The following FAM118B variants were observed in gnomAD, a reference collection of about 807,000 sequenced individuals.
FAM118B encodes the protein protein FAM118B.
In FAM118B, 24 loss-of-function variants were observed where a neutral mutation model predicts 38.5. That is an observed-to-expected ratio of 0.62 (90% CI 0.45 to 0.88). FAM118B has a LOEUF of 0.88. FAM118B is among the 40% of genes least tolerant of loss of function. FAM118B has a pLI of 0.00. For synonymous variants in FAM118B, 138 were observed against 156.3 expected (o/e 0.88, Z 0.87); for missense variants, 334 against 420.0 (o/e 0.80, Z 1.79).
chr11:126,219,932 AT>A (rs1168309020), intron 1 of FAM118B, among the ~76,000 whole-genome samples: 15 of 151,676 alleles, frequency 9.9e-5, no homozygotes, highest in South Asian at 2.1e-4. Flanking sequence ...TGAAGGAAGA[AT>A]TTTTTTTAAA....
At position 126,244,558 on chromosome 11, in the gene FAM118B, CT is replaced by C. The variant is rs376590607; in HGVS notation, c.339+3517del. On this transcript the variant is annotated intron_variant, in intron 4 of 8. Transcript: ENST00000533050. This position sits in a 1 kb window ranked among gnomAD's most constrained non-coding sequence, Gnocchi z 4.5. ...GTGGCCCATGCCTGTTGTCTCAGCG[CT>C]TTGGGAGGCCGAGGTGGGCGGATCA... Among the ~76,000 whole-genome samples the C allele has an allele frequency of 5.9e-4, 90 of 152,328 alleles. No homozygotes were observed. Among genetic ancestry groups the C allele is most frequent in the African/African-American group, 2.1e-3 (88 of 41,564 alleles).
At position 126,234,985 on chromosome 11, in the gene FAM118B, T is replaced by A; in HGVS notation, c.-7-10T>A. On this transcript the variant is annotated splice_polypyrimidine_tract_variant and intron_variant, in intron 2 of 8. Transcript: ENST00000533050. Reference sequence around the variant, plus strand: ...TCTAATTGTGGTTCATGGTGTTTAATCTATTTTAGAAACTGGATGGCTTCT... The same window carrying A: ...TCTAATTGTGGTTCATGGTGTTTAAACTATTTTAGAAACTGGATGGCTTCT... 1 of 1,603,286 alleles carries A rather than the reference T, an allele frequency of 6.2e-7. No homozygotes were observed.
At chr11:126,238,403 G>C (rs925031816) in intron 3 of FAM118B, among the ~76,000 whole-genome samples, 1 of 152,228 alleles carries the variant, frequency 6.6e-6, no homozygotes, top group East Asian at 1.9e-4. Context: ...TAGAGTTAAG[G>C]AATTCCCACC....
At chr11:126,259,671 C>T (rs1333925759) in intron 7 of FAM118B, among the ~76,000 whole-genome samples, 3 of 151,398 alleles carry the variant, frequency 2.0e-5, no homozygotes, top group Admixed American at 6.6e-5. Flanking sequence ...ATGATCCACC[C>T]GCCCTGGCCT....
At chr11:126,235,123 C>T in intron 3 of FAM118B, 36 bp downstream of exon 3, 1 of 1,579,902 alleles carries the variant, frequency 6.3e-7, no homozygotes, top group East Asian at 2.2e-5. Flanking sequence ...AGTAAATTAC[C>T]ATTAGTGGGA....
intron 4 of FAM118B, among the ~76,000 whole-genome samples, chr11:126,241,769 C>T (rs1332139362): frequency 2.0e-5 from 3 of 152,056 alleles, no homozygotes; most frequent in Non-Finnish European, 2.9e-5. Context: ...AAGCTGGTCT[C>T]GAACTTCTGA....
At chr11:126,254,525 T>C in intron 6 of FAM118B, 92 bp downstream of exon 6, 1 of 1,526,612 alleles carries the variant, frequency 6.6e-7, no homozygotes, top group East Asian at 2.3e-5. Flanking sequence ...CATCTTCTTT[T>C]CATTAAGTGA....
At chr11:126,237,938 C>G (rs1950303439) in intron 3 of FAM118B, among the ~76,000 whole-genome samples, 1 of 150,926 alleles carries the variant, frequency 6.6e-6, no homozygotes, top group Non-Finnish European at 1.5e-5. Context: ...CCTTCCCATA[C>G]TATCTCTTAT....
At chr11:126,225,021 T>C (rs1016832389) in intron 1 of FAM118B, among the ~76,000 whole-genome samples, 6 of 152,206 alleles carry the variant, frequency 3.9e-5, no homozygotes, top group Non-Finnish European at 8.8e-5. Context: ...AAACAAGATC[T>C]CTTTTATGTG....
rs930309908 is a variant in FAM118B at position 126,250,180 on chromosome 11, C to T, written c.340-326C>T. Among the ~76,000 whole-genome samples the T allele has an allele frequency of 1.2e-4, 18 of 151,646 alleles. No individual in the cohort carries two copies. Among genetic ancestry groups the T allele is most frequent in the African/African-American group, 4.1e-4 (17 of 41,388 alleles). ...GATCTCGGCTCACTGCAAGCTCCGC[C>T]TCCTGGGTTCACACCATTCTCCTGC... On this transcript the variant is annotated intron_variant, in intron 4 of 8. Transcript: ENST00000533050. The surrounding 1 kb of genome is among the most constrained non-coding windows in gnomAD (Gnocchi z 5.1).
Position 126,262,230 on chromosome 11 carries a change from C to A in FAM118B, c.*97C>A. On this transcript the variant is annotated 3_prime_UTR_variant, in exon 9 of 9. Transcript: ENST00000533050. ...ACTTACAAGAACCCAACACAATTCC[C>A]AGAAAGTAACAATAGCCAGAGGTTG... The A allele has an allele frequency of 7.4e-7, 1 of 1,345,250 alleles. No homozygotes were observed. Among genetic ancestry groups the A allele is most frequent in the African/African-American group, 1.4e-5 (1 of 69,158 alleles). 83.3% of individuals were successfully genotyped at this position (1,345,250 alleles called of 1,614,324 possible).
rs1555055257 is a variant in FAM118B, at chr11:126,249,749, A to AAAAAAG, written c.340-746_340-741dup. ...TCCGTCTCAAAAAAAAAAAAAAAAA[A>AAAAAAG]AAAAAGAAAAAGAAAAGGAGATGCC... On this transcript the variant is annotated intron_variant, in intron 4 of 8. Transcript: ENST00000533050. 2.5e-3 allele frequency among the ~76,000 whole-genome samples: 356 copies of AAAAAAG among 141,188 alleles called. 1 individual carries two copies. Among genetic ancestry groups the AAAAAAG allele is most frequent in the Middle Eastern group, 7.2e-3 (2 of 276 alleles). 92.6% of individuals were successfully genotyped at this position (141,188 alleles called of 152,430 possible). A position where few individuals can be genotyped will look rare whatever the true frequency, so the allele number is the denominator to read the frequency against.
chr11:126,257,828 T>C (rs533936924), intron 7 of FAM118B, among the ~76,000 whole-genome samples: 1 of 152,304 alleles, frequency 6.6e-6, no homozygotes, highest in South Asian at 2.1e-4. Context: ...TATCATACAC[T>C]TGATATTTTA....
chr11:126,254,454 T>A (rs749536714), intron 6 of FAM118B, 21 bp downstream of exon 6: 1 of 1,613,194 alleles, frequency 6.2e-7, no homozygotes. Flanking sequence ...CTGATCTTGC[T>A]GGTCTCAGGA....
intron 1 of FAM118B, among the ~76,000 whole-genome samples, chr11:126,216,886 T>A (rs1949985684): frequency 6.6e-6 from 1 of 152,248 alleles, no homozygotes; most frequent in Non-Finnish European, 1.5e-5. Flanking sequence ...TAATTTGTAT[T>A]CATTCATTTA....
At chr11:126,241,899 C>T (rs182696863) in intron 4 of FAM118B, among the ~76,000 whole-genome samples, 18 of 151,742 alleles carry the variant, frequency 1.2e-4, no homozygotes, top group Non-Finnish European at 1.9e-4. Flanking sequence ...GTGGTGGGCA[C>T]CTGTAATCCC....
rs1025220678 is a variant in FAM118B at position 126,255,790 on chromosome 11, T to C, written c.697-777T>C. Among the ~76,000 whole-genome samples the C allele has an allele frequency of 1.3e-5, 2 of 151,256 alleles. No individual in the cohort carries two copies. The highest frequency in any genetic ancestry group is 4.9e-5 in the African/African-American group (2 of 41,110). The stretch of plus-strand genomic sequence containing the variant: ...CAACATGGTGAAACCCTGTCTCTAC[T>C]AAAAATAGGAAAATTAGCTGGGCGT... On this transcript the variant is annotated intron_variant, in intron 6 of 8. Transcript: ENST00000533050. This position sits in a 1 kb window ranked among gnomAD's most constrained non-coding sequence, Gnocchi z 4.6.
At chr11:126,248,352 A>T (rs1950445634) in intron 4 of FAM118B, among the ~76,000 whole-genome samples, 1 of 97,310 alleles carries the variant, frequency 1.0e-5, no homozygotes, top group Non-Finnish European at 1.9e-5. Flanking sequence ...CTTCAATAGT[A>T]GTTGACTTTT....
intron 1 of FAM118B, among the ~76,000 whole-genome samples, 194 bp downstream of exon 1, chr11:126,212,024 C>T (rs1314657912): frequency 2.6e-5 from 4 of 152,234 alleles, no homozygotes; most frequent in Non-Finnish European, 5.9e-5. Flanking sequence ...CATAAACGCT[C>T]GCCCCAGAGC....
Sources: gnomAD v4.1 joint callset for allele counts (sites outside exome capture counted in the v4.1 genomes callset) on GRCh38, gnomAD v4.1.1 for gene constraint, Gnocchi (gnomAD v3.1) non-coding constraint, MANE v1.5 for transcripts, NCBI Gene and HGNC (gene_info 2026-07-23, HGNC 2026-07-21) for gene names.